CHKA: variants seen among roughly 807,000 people sequenced by gnomAD.
The protein encoded by CHKA is choline kinase alpha.
Under a neutral mutation model 60.1 loss-of-function variants are expected in CHKA, and 34 were observed. The ratio of observed to expected loss-of-function variants is 0.57; its 90% CI spans 0.43 to 0.75. The LOEUF (loss-of-function observed/expected upper bound fraction) is 0.75. Ranked by LOEUF, CHKA falls within the 30% of genes least tolerant of loss-of-function variation. The pLI, the probability that CHKA is intolerant of heterozygous loss-of-function variation, is 0.00. For missense variants in CHKA, 563 were observed against 561.3 expected, an observed-to-expected ratio of 1.00 and a Z score of -0.03; for synonymous variants, 217 against 223.1, an observed-to-expected ratio of 0.97 and a Z score of 0.24.
chr11:68,100,074 C>T lies in CHKA; in HGVS notation c.351-2944G>A, dbSNP rs186399061. 3.2e-3 allele frequency among the ~76,000 whole-genome samples: 485 copies of T among 152,204 alleles called. 1 individual carries two copies. The highest frequency in any genetic ancestry group is 6.2e-3 in the South Asian group (30 of 4,818). On this transcript the variant is annotated intron_variant, in intron 1 of 11. Transcript: ENST00000265689. ...GTGAGAAATTTACCTAGAAAAAAAG[C>T]CAACTACCAATGAGTCAAATAATAA...
intron 1 of CHKA, among the ~76,000 whole-genome samples, chr11:68,119,833 G>C (rs537169634): frequency 6.6e-6 from 1 of 152,210 alleles, no homozygotes; most frequent in South Asian, 2.1e-4. Flanking sequence ...TTATGTCTTC[G>C]GAGCAGAGTG....
intron 2 of CHKA, among the ~76,000 whole-genome samples, chr11:68,086,089 C>T (rs1359481871): frequency 6.6e-6 from 1 of 152,030 alleles, no homozygotes; most frequent in Non-Finnish European, 1.5e-5. Context: ...CCGAGGCAGG[C>T]GGATCACGAG....
intron 1 of CHKA, among the ~76,000 whole-genome samples, chr11:68,110,859 G>C (rs1424470083): frequency 6.6e-6 from 1 of 151,718 alleles, no homozygotes; most frequent in African/African-American, 2.4e-5. Flanking sequence ...TTAGCTGGGC[G>C]TGGTGGCATG....
At position 68,080,859 on chromosome 11, in the gene CHKA, G is replaced by C. The variant is rs1324304668; in HGVS notation, c.516+545C>G. 3.3e-5 allele frequency among the ~76,000 whole-genome samples: 5 copies of C among 152,348 alleles called. No individual in the cohort carries two copies. In the East Asian group the frequency reaches 9.6e-4, roughly 29 times the overall value. On this transcript the variant is annotated intron_variant, in intron 3 of 11. Transcript: ENST00000265689. ...CCTGCCTCTGAGGCTCCATCGGTCA[G>C]TGCTCTTGGCCTCAAGCCATCTGCA...
At chr11:68,101,328 C>T (rs918262677) in intron 1 of CHKA, among the ~76,000 whole-genome samples, 1 of 151,858 alleles carries the variant, frequency 6.6e-6, no homozygotes, top group Non-Finnish European at 1.5e-5. Context: ...AAAAACAAGG[C>T]AAGAGAAAGA....
At chr11:68,070,328 G>T (rs749378058) in intron 5 of CHKA, 35 bp from the exon 6 acceptor site, 2 of 1,396,816 alleles carry the variant, frequency 1.4e-6, no homozygotes, top group Admixed American at 1.7e-5. Context: ...ACAGAACAAA[G>T]AATCACCGAT....
At chr11:68,057,691 T>C (rs1483852837) in intron 11 of CHKA, among the ~76,000 whole-genome samples, 2 of 152,218 alleles carry the variant, frequency 1.3e-5, no homozygotes, top group African/African-American at 4.8e-5. Flanking sequence ...TTAGGTCTAT[T>C]ATCTGTTTCA....
intron 1 of CHKA, among the ~76,000 whole-genome samples, chr11:68,098,626 A>G (rs1190386356): frequency 2.6e-5 from 4 of 152,290 alleles, no homozygotes; most frequent in African/African-American, 4.8e-5. Flanking sequence ...ACTAAACTAT[A>G]TATTTTTAAA....
intron 2 of CHKA, among the ~76,000 whole-genome samples, chr11:68,087,825 A>C (rs2134625235): frequency 6.6e-6 from 1 of 152,258 alleles, no homozygotes; most frequent in Admixed American, 6.5e-5. Flanking sequence ...AAGTAAGAAT[A>C]ATCCTGTCTG....
intron 6 of CHKA, 131 bp downstream of exon 6, chr11:68,070,058 A>T: frequency 1.4e-6 from 1 of 727,556 alleles, no homozygotes; most frequent in Non-Finnish European, 2.4e-6. Flanking sequence ...AGATGACAAA[A>T]CTTATGGTTT....
chr11:68,077,209 C>T (rs1221450956), intron 3 of CHKA, among the ~76,000 whole-genome samples: 3 of 152,180 alleles, frequency 2.0e-5, no homozygotes, highest in African/African-American at 7.2e-5. Context: ...CACTGCACTC[C>T]AGCCTGGGTG....
At chr11:68,092,334 C>T (rs1198957231) in intron 2 of CHKA, among the ~76,000 whole-genome samples, 1 of 152,068 alleles carries the variant, frequency 6.6e-6, no homozygotes. Flanking sequence ...GTGATAGGAA[C>T]AAAACCCTCA....
chr11:68,100,436 A>C (rs1421823399), intron 1 of CHKA, among the ~76,000 whole-genome samples: 1 of 151,928 alleles, frequency 6.6e-6, no homozygotes, highest in East Asian at 1.9e-4. Flanking sequence ...CTAAAAATAC[A>C]AAAATTAGCC....
intron 10 of CHKA, among the ~76,000 whole-genome samples, chr11:68,062,831 C>G (rs556822420): frequency 5.3e-5 from 8 of 152,236 alleles, no homozygotes; most frequent in African/African-American, 1.7e-4. Flanking sequence ...TGCGGTGAAG[C>G]CCAGCAGGTA....
chr11:68,074,288 C>A (rs564195172), intron 4 of CHKA, among the ~76,000 whole-genome samples: 1 of 152,186 alleles, frequency 6.6e-6, no homozygotes, highest in African/African-American at 2.4e-5. Context: ...TAGGGAGACT[C>A]AGTAGGAATG....
At chr11:68,105,412 G>A (rs376996212) in intron 1 of CHKA, among the ~76,000 whole-genome samples, 4 of 150,920 alleles carry the variant, frequency 2.7e-5, no homozygotes, top group East Asian at 2.0e-4. Flanking sequence ...CTACTCAGGA[G>A]GCTGAGGCAA....
chr11:68,100,356 G>T (rs1188939298), intron 1 of CHKA, among the ~76,000 whole-genome samples: 1 of 152,142 alleles, frequency 6.6e-6, no homozygotes, highest in Non-Finnish European at 1.5e-5. Flanking sequence ...TTGGGAGGCT[G>T]AGGCGGGCAG....
chr11:68,090,278 C>A (rs1228596495), intron 2 of CHKA, among the ~76,000 whole-genome samples: 1 of 152,136 alleles, frequency 6.6e-6, no homozygotes, highest in Non-Finnish European at 1.5e-5. Context: ...TTTTGACTGC[C>A]TTAGGAACAC....
intron 1 of CHKA, among the ~76,000 whole-genome samples, chr11:68,117,235 G>C (rs1210246317): frequency 6.6e-6 from 1 of 152,128 alleles, no homozygotes; most frequent in Non-Finnish European, 1.5e-5. Flanking sequence ...CAAGGGAAAG[G>C]CTGCCAAGCA....
Sources: allele counts gnomAD v4.1 joint callset (sites outside exome capture counted in the v4.1 genomes callset), GRCh38; gene constraint gnomAD v4.1.1; transcripts MANE v1.5; gene names NCBI Gene and HGNC (gene_info 2026-07-23, HGNC 2026-07-21).